The following MAP2 variants were observed in gnomAD, a reference collection of about 807,000 sequenced individuals.
MAP2 encodes microtubule associated protein 2.
Under a neutral mutation model 137.6 loss-of-function variants are expected in MAP2, and 14 were observed. The observed-to-expected ratio is 0.10, with a 90% CI of 0.07 to 0.16. The LOEUF (loss-of-function observed/expected upper bound fraction) is 0.16, where lower values mean the gene tolerates loss of function less well. Ranked by LOEUF, MAP2 falls within the 10% of genes least tolerant of loss-of-function variation. The pLI, the probability that MAP2 is intolerant of heterozygous loss-of-function variation, is 1.00. For synonymous variants in MAP2, 786 were observed against 782.3 expected (o/e 1.00, Z -0.08); for missense variants, 2,088 against 2,191.5 (o/e 0.95, Z 0.94).
intron 2 of MAP2, among the ~76,000 whole-genome samples, chr2:209,547,193 C>T (rs2068246451): frequency 1.3e-5 from 2 of 152,100 alleles, no homozygotes; most frequent in African/African-American, 4.8e-5. Context: ...CTCCTGGAAG[C>T]ATGCCCCTTG....
chr2:209,589,668 A>G (rs1289266913), intron 3 of MAP2, among the ~76,000 whole-genome samples: 1 of 152,224 alleles, frequency 6.6e-6, no homozygotes, highest in Non-Finnish European at 1.5e-5. Context: ...AGCTAAATAT[A>G]TCACAGAAAA....
Position 209,710,033 on chromosome 2 carries a change from G to A in MAP2, c.4852G>A (p.Gly1618Arg). Residue 1618 changes from glycine (G) to arginine (R), a missense_variant, in exon 13 of 16, where the codon GGA (glycine) becomes AGA (arginine). Coordinates refer to ENST00000682079, the MANE Select transcript of MAP2 (RefSeq NM_001375505.1). ...SYSSRTPGTP[G>R]TPSYPRTPHT... ...TTCTTCACGCACACCAGGCACTCCT[G>A]GAACCCCTAGCTATCCCAGGACCCC... 1 of 1,613,900 alleles carries A rather than the reference G, an allele frequency of 6.2e-7. No homozygotes were observed. Among genetic ancestry groups the A allele is most frequent in the South Asian group, 1.1e-5 (1 of 91,060 alleles).
intron 4 of MAP2, among the ~76,000 whole-genome samples, chr2:209,630,101 A>C (rs1337525189): frequency 6.6e-6 from 1 of 152,228 alleles, no homozygotes; most frequent in East Asian, 1.9e-4. Flanking sequence ...TGGTCCAGGC[A>C]TGGTTACTAT....
At chr2:209,553,288 G>A (rs973145182) in intron 2 of MAP2, among the ~76,000 whole-genome samples, 10 of 152,120 alleles carry the variant, frequency 6.6e-5, no homozygotes, top group African/African-American at 2.4e-4. Flanking sequence ...TGGGATTACA[G>A]GTGTGAGCCA....
intron 5 of MAP2, among the ~76,000 whole-genome samples, chr2:209,663,733 T>G (rs537048376): frequency 6.6e-6 from 1 of 152,336 alleles, no homozygotes; most frequent in Non-Finnish European, 1.5e-5. Flanking sequence ...ATTTTTAATT[T>G]GTAAACACAG....
chr2:209,717,771 G>A (rs774510591), intron 13 of MAP2, among the ~76,000 whole-genome samples: 4 of 152,100 alleles, frequency 2.6e-5, no homozygotes, highest in Non-Finnish European at 5.9e-5. Context: ...TGACAAAAGG[G>A]CAATGGGAGA....
chr2:209,574,432 TACACAC>T (rs57166815), intron 2 of MAP2, among the ~76,000 whole-genome samples: 110 of 148,760 alleles, frequency 7.4e-4, no homozygotes, highest in Admixed American at 1.6e-3. Context: ...ATAGTATAGA[TACACAC>T]ACACACACAC....
At chr2:209,509,323 G>T (rs1289047849) in intron 2 of MAP2, among the ~76,000 whole-genome samples, 1 of 151,800 alleles carries the variant, frequency 6.6e-6, no homozygotes, top group African/African-American at 2.4e-5. Flanking sequence ...TCTGTTGTGG[G>T]AATACGAAAA....
At chr2:209,557,157 A>T (rs1559316756) in intron 2 of MAP2, among the ~76,000 whole-genome samples, 2 of 152,220 alleles carry the variant, frequency 1.3e-5, no homozygotes, top group Non-Finnish European at 2.9e-5. Flanking sequence ...AATTCAAAAT[A>T]CACTGAATAA....
chr2:209,524,275 AAT>A (rs2063702123), intron 2 of MAP2, among the ~76,000 whole-genome samples: 1 of 152,074 alleles, frequency 6.6e-6, no homozygotes, highest in Non-Finnish European at 1.5e-5. Flanking sequence ...TAATTTTAGA[AAT>A]ATGATTTTTT....
At chr2:209,451,689 T>G (rs1237059740) in intron 1 of MAP2, among the ~76,000 whole-genome samples, 2 of 152,218 alleles carry the variant, frequency 1.3e-5, no homozygotes, top group African/African-American at 4.8e-5. Context: ...AAACAGGGCT[T>G]TAGTGTTTAA....
chr2:209,439,613 G>A (rs995702299), intron 1 of MAP2, among the ~76,000 whole-genome samples: 2 of 151,500 alleles, frequency 1.3e-5, no homozygotes, highest in Admixed American at 6.6e-5. Context: ...CTCAGGAAGT[G>A]AGAGAGAGTG....
In MAP2 at chr2:209,656,520, T is replaced by A. The variant is rs193245232; in HGVS notation, c.262+3088T>A. On this transcript the variant is annotated intron_variant, in intron 5 of 15. Coordinates refer to ENST00000682079, the MANE Select transcript of MAP2 (RefSeq NM_001375505.1). ...GCAAGACCCTGTCTCAAAAAAAAAA[T>A]AATAATAATAATCTAGATTTTGTCC... Among the ~76,000 whole-genome samples, 263 of 151,756 alleles carry A rather than the reference T, an allele frequency of 1.7e-3. 1 individual carries two copies. The highest frequency in any genetic ancestry group is 4.2e-3 in the African/African-American group (172 of 41,338).
intron 3 of MAP2, among the ~76,000 whole-genome samples, chr2:209,590,525 G>A (rs1411679371): frequency 6.6e-6 from 1 of 152,056 alleles, no homozygotes; most frequent in Non-Finnish European, 1.5e-5. Flanking sequence ...AGTAGAGACG[G>A]TGTTTCTCCA....
intron 9 of MAP2, 50 bp from the exon 10 acceptor site, chr2:209,696,867 C>T (rs369333007): frequency 5.1e-6 from 8 of 1,569,688 alleles, no homozygotes; most frequent in East Asian, 2.2e-5. Context: ...TTTTGCTCCA[C>T]GTGTTTATTT....
intron 1 of MAP2, among the ~76,000 whole-genome samples, chr2:209,434,511 A>G (rs2149317667): frequency 6.6e-6 from 1 of 151,750 alleles, no homozygotes; most frequent in African/African-American, 2.4e-5. Flanking sequence ...GAACCATTTG[A>G]TATAAGGATC....
chr2:209,459,001 G>A (rs531248432), intron 1 of MAP2, among the ~76,000 whole-genome samples: 1 of 152,276 alleles, frequency 6.6e-6, no homozygotes, highest in South Asian at 2.1e-4. Flanking sequence ...TAATCATTGA[G>A]CAAAGTTGAA....
chr2:209,628,950 C>A (rs947613984), intron 4 of MAP2, among the ~76,000 whole-genome samples: 1 of 152,168 alleles, frequency 6.6e-6, no homozygotes, highest in African/African-American at 2.4e-5. Flanking sequence ...AGTCGTTGCC[C>A]TTTTAAGGAT....
At chr2:209,441,712 T>C (rs562947817) in intron 1 of MAP2, among the ~76,000 whole-genome samples, 1 of 151,706 alleles carries the variant, frequency 6.6e-6, no homozygotes, top group Non-Finnish European at 1.5e-5. Context: ...GGAAGTGATT[T>C]GCAAGGAACT....
Sources: allele counts gnomAD v4.1 joint callset (sites outside exome capture counted in the v4.1 genomes callset), GRCh38; gene constraint gnomAD v4.1.1; transcripts MANE v1.5; gene names NCBI Gene and HGNC (gene_info 2026-07-23, HGNC 2026-07-21).